NALF1: variants seen among roughly 807,000 people sequenced by gnomAD.
NALF1 encodes family with sequence similarity 155 member A.
NALF1 carries 3 observed loss-of-function variants against 48.4 expected under a neutral mutation model. That is an observed-to-expected ratio of 0.06 (90% CI 0.03 to 0.16). The LOEUF is 0.16. NALF1 is among the 10% of genes least tolerant of loss of function. NALF1 has a pLI of 1.00. For synonymous variants in NALF1, 262 were observed against 245.7 expected (o/e 1.07, Z -0.62); for missense variants, 526 against 571.5 (o/e 0.92, Z 0.81).
At chr13:107,769,240 C>T (rs1006658398) in intron 1 of NALF1, among the ~76,000 whole-genome samples, 5 of 148,648 alleles carry the variant, frequency 3.4e-5, no homozygotes, top group Admixed American at 6.7e-5. Context: ...CACATGCACA[C>T]GTATGTTTAC....
Position 107,399,436 on chromosome 13 carries a change from A to T in NALF1, c.916-188681T>A, listed in dbSNP as rs749865724. Among the ~76,000 whole-genome samples, 6 of 135,630 alleles carry T rather than the reference A, an allele frequency of 4.4e-5. No homozygotes were observed. The South Asian group carries it at 8.9e-4, about 20-fold the overall frequency. 89.0% of individuals were successfully genotyped at this position (135,630 alleles called of 152,430 possible). On this transcript the variant is annotated intron_variant, in intron 1 of 2. Coordinates refer to ENST00000375915, the MANE Select transcript of NALF1 (RefSeq NM_001080396.3). Reference sequence around the variant, plus strand: ...TTCCTAAAATAAATATCTGAAAATAAAGCACACACACATTCACGTACACAC... The same window carrying T: ...TTCCTAAAATAAATATCTGAAAATATAGCACACACACATTCACGTACACAC...
In NALF1 at chr13:107,793,246, C is replaced by G. The variant is rs79162172; in HGVS notation, c.915+72436G>C. Among the ~76,000 whole-genome samples the G allele has an allele frequency of 4.8e-3, 737 of 152,262 alleles. 5 individuals are homozygous for G. Among genetic ancestry groups the G allele is most frequent in the African/African-American group, 0.016 (656 of 41,530 alleles). On this transcript the variant is annotated intron_variant, in intron 1 of 2. Transcript: ENST00000375915. ...GCAGGGCTGTTGATTTTTTCATACG[C>G]TCCATATTATGCCGCAATGCCATTA...
intron 1 of NALF1, among the ~76,000 whole-genome samples, chr13:107,613,763 A>T (rs933431411): frequency 5.3e-5 from 8 of 152,228 alleles, no homozygotes; most frequent in African/African-American, 1.9e-4. Flanking sequence ...ATAGTTGTCA[A>T]GACAAACTGG....
At chr13:107,405,272 T>C (rs1883879126) in intron 1 of NALF1, among the ~76,000 whole-genome samples, 1 of 152,048 alleles carries the variant, frequency 6.6e-6, no homozygotes, top group Non-Finnish European at 1.5e-5. Context: ...AGAAAGGTCC[T>C]CTTAGCTTTG....
intron 1 of NALF1, among the ~76,000 whole-genome samples, chr13:107,438,846 A>AAAAAAAAAAAAAAAAAAAT (rs1884507614): frequency 6.8e-6 from 1 of 147,962 alleles, no homozygotes; most frequent in Non-Finnish European, 1.5e-5. Flanking sequence ...AAAAAAAAAA[A>AAAAAAAAAAAAAAAAAAAT]AAAAAGAATA....
chr13:107,230,351 T>G (rs1319965422), intron 1 of NALF1, among the ~76,000 whole-genome samples: 2 of 152,068 alleles, frequency 1.3e-5, no homozygotes, highest in Non-Finnish European at 2.9e-5. Flanking sequence ...ATCTCTATAC[T>G]CCCTTAAATT....
At chr13:107,270,441 T>C (rs946224004) in intron 1 of NALF1, among the ~76,000 whole-genome samples, 3 of 152,102 alleles carry the variant, frequency 2.0e-5, no homozygotes, top group Non-Finnish European at 4.4e-5. Flanking sequence ...AAAGTACTAA[T>C]ATGAAGTTAA....
At chr13:107,209,425 T>C (rs1454070575) in intron 2 of NALF1, among the ~76,000 whole-genome samples, 2 of 151,526 alleles carry the variant, frequency 1.3e-5, no homozygotes. Flanking sequence ...GAGAATCACT[T>C]GAACCCCGGA....
intron 1 of NALF1, among the ~76,000 whole-genome samples, chr13:107,227,351 C>G (rs9558977): frequency 0.51 from 77,475 of 152,018 alleles, 20,308 homozygotes; most frequent in African/African-American, 0.63. Flanking sequence ...CTAGTAGTAA[C>G]TTTGATTACT....
chr13:107,681,742 G>A (rs1264422778), intron 1 of NALF1, among the ~76,000 whole-genome samples: 1 of 152,088 alleles, frequency 6.6e-6, no homozygotes, highest in African/African-American at 2.4e-5. Context: ...TCCTCTCAAG[G>A]GAGCCCAAAG....
At chr13:107,856,449 C>T (rs1394059477) in intron 1 of NALF1, among the ~76,000 whole-genome samples, 1 of 152,040 alleles carries the variant, frequency 6.6e-6, no homozygotes, top group Non-Finnish European at 1.5e-5. Context: ...TATATATTCT[C>T]GATATTAGCA....
intron 1 of NALF1, among the ~76,000 whole-genome samples, chr13:107,654,140 A>C (rs1005305220): frequency 6.6e-6 from 1 of 152,128 alleles, no homozygotes; most frequent in Non-Finnish European, 1.5e-5. Flanking sequence ...ACCATTAGTG[A>C]GATTATCCAA....
intron 1 of NALF1, among the ~76,000 whole-genome samples, chr13:107,775,026 T>G (rs1877684673): frequency 6.6e-6 from 1 of 152,170 alleles, no homozygotes; most frequent in Non-Finnish European, 1.5e-5. Flanking sequence ...AAACAACATT[T>G]TAGATGCTTT....
chr13:107,788,265 G>A (rs991284617), intron 1 of NALF1: 6 of 151,850 alleles, frequency 4.0e-5, no homozygotes, highest in Middle Eastern at 3.4e-3. Context: ...GTCTCATTTT[G>A]CCCTCACTGA....
At chr13:107,684,055 G>A (rs1033293296) in intron 1 of NALF1, among the ~76,000 whole-genome samples, 7 of 152,120 alleles carry the variant, frequency 4.6e-5, no homozygotes, top group Non-Finnish European at 7.3e-5. Context: ...CCGGATTCAG[G>A]GCACCTGCAC....
intron 1 of NALF1, among the ~76,000 whole-genome samples, chr13:107,671,652 C>T (rs1273501420): frequency 6.6e-6 from 1 of 151,718 alleles, no homozygotes; most frequent in Non-Finnish European, 1.5e-5. Context: ...AAATATTTGC[C>T]ACATATAGGT....
At chr13:107,801,262 T>C (rs1433960440) in intron 1 of NALF1, among the ~76,000 whole-genome samples, 1 of 152,210 alleles carries the variant, frequency 6.6e-6, no homozygotes, top group Non-Finnish European at 1.5e-5. Flanking sequence ...TAGAACACTG[T>C]CTCATAGCTA....
At chr13:107,531,539 CT>C (rs1876640045) in intron 1 of NALF1, among the ~76,000 whole-genome samples, 1 of 152,072 alleles carries the variant, frequency 6.6e-6, no homozygotes, top group South Asian at 2.1e-4. Context: ...ACAGGTATTC[CT>C]TTATAGCAAT....
intron 1 of NALF1, among the ~76,000 whole-genome samples, chr13:107,653,069 A>G (rs117700873): frequency 6.6e-6 from 1 of 152,218 alleles, no homozygotes; most frequent in East Asian, 1.9e-4. Context: ...AGATGGTAAA[A>G]CACTCCTGGT....
Sources: allele counts gnomAD v4.1 joint callset (sites outside exome capture counted in the v4.1 genomes callset), GRCh38; gene constraint gnomAD v4.1.1; transcripts MANE v1.5; gene names NCBI Gene and HGNC (gene_info 2026-07-23, HGNC 2026-07-21).